The following RIDA variants were observed in gnomAD, a reference collection of about 807,000 sequenced individuals.
RIDA encodes 2-iminobutanoate/2-iminopropanoate deaminase.
RIDA carries 17 observed loss-of-function variants against 17.8 expected under a neutral mutation model. The ratio of observed to expected loss-of-function variants is 0.96; its 90% CI spans 0.65 to 1.43. The LOEUF (loss-of-function observed/expected upper bound fraction) is 1.43. Ranked by LOEUF, RIDA falls within the 40% of genes most tolerant of loss-of-function variation. The pLI is 0.00. For missense variants in RIDA, 158 were observed against 161.7 expected (o/e 0.98, Z 0.12); for synonymous variants, 48 against 55.7 (o/e 0.86, Z 0.62).
At chr8:98,109,377 T>C (rs1349607492) in intron 1 of RIDA, among the ~76,000 whole-genome samples, 1 of 152,078 alleles carries the variant, frequency 6.6e-6, no homozygotes, top group Non-Finnish European at 1.5e-5. Context: ...AAAGAAAATA[T>C]ACAAAGAGTT....
chr8:98,107,623 T>C (rs1419044277), intron 2 of RIDA, among the ~76,000 whole-genome samples: 2 of 152,142 alleles, frequency 1.3e-5, no homozygotes, highest in Admixed American at 6.6e-5. Flanking sequence ...TTTGAGACAG[T>C]GTCTTGCTCT....
At chr8:98,114,037 T>A (rs1815765713) in intron 1 of RIDA, among the ~76,000 whole-genome samples, 1 of 152,138 alleles carries the variant, frequency 6.6e-6, no homozygotes, top group Admixed American at 6.5e-5. Flanking sequence ...CTATAAAAAA[T>A]ACAAAAATTA....
intron 5 of RIDA, 71 bp from the exon 6 acceptor site, chr8:98,102,975 A>C: frequency 9.8e-7 from 1 of 1,021,770 alleles, no homozygotes; most frequent in Non-Finnish European, 1.5e-6. Context: ...ACCTACTAAA[A>C]ACATGCAACC....
intron 1 of RIDA, among the ~76,000 whole-genome samples, chr8:98,114,128 A>G (rs1815766790): frequency 1.3e-5 from 2 of 151,924 alleles, no homozygotes; most frequent in Non-Finnish European, 2.9e-5. Context: ...CGGGAGGTTG[A>G]GGCGACAATA....
chr8:98,107,347 AC>A (rs1285894301), intron 2 of RIDA, among the ~76,000 whole-genome samples: 5 of 151,932 alleles, frequency 3.3e-5, no homozygotes, highest in Admixed American at 2.6e-4. Flanking sequence ...GCACGGTAAA[AC>A]CCCGTCTCTA....
intron 2 of RIDA, among the ~76,000 whole-genome samples, chr8:98,108,076 A>C (rs4461876): frequency 0.89 from 132,767 of 149,016 alleles, 59,444 homozygotes; most frequent in African/African-American, 0.94. Context: ...GGCCTCCCCC[A>C]ACTAATTTTT....
At chr8:98,115,229 AATACAAAAATT>A (rs1422451366) in intron 1 of RIDA, among the ~76,000 whole-genome samples, 1 of 151,890 alleles carries the variant, frequency 6.6e-6, no homozygotes, top group African/African-American at 2.4e-5. Flanking sequence ...CTCTACTAAA[AATACAAAAATT>A]AGCCGGGTGT....
intron 1 of RIDA, among the ~76,000 whole-genome samples, chr8:98,115,799 C>T (rs566896384): frequency 6.6e-5 from 10 of 152,064 alleles, no homozygotes; most frequent in Non-Finnish European, 1.2e-4. Flanking sequence ...TTATTTTTTA[C>T]TATTACTTTC....
intron 2 of RIDA, 115 bp from the exon 3 acceptor site, chr8:98,106,441 A>C: frequency 1.2e-6 from 1 of 829,842 alleles, no homozygotes. Context: ...TTGCAGAAAA[A>C]TCCTCCCTAC....
Position 98,117,133 on chromosome 8 carries a change from G to A in RIDA, c.-37C>T, listed in dbSNP as rs749968970. 3.1e-6 allele frequency: 5 copies of A among 1,598,590 alleles called. No individual in the cohort carries two copies. Among genetic ancestry groups the A allele is most frequent in the Admixed American group, 3.3e-5 (2 of 59,996 alleles). On this transcript the variant is annotated 5_prime_UTR_variant, in exon 1 of 6. Coordinates refer to ENST00000254878, the MANE Select transcript of RIDA (RefSeq NM_005836.3). ...CCCTCTTGCAGCCCCTTCAGGAGAA[G>A]AAGCCCCAGCACCAGCCCTGCTGGC...
intron 1 of RIDA, among the ~76,000 whole-genome samples, chr8:98,110,692 A>G (rs1815714752): frequency 1.3e-5 from 2 of 152,168 alleles, no homozygotes; most frequent in Admixed American, 6.5e-5. Context: ...TTATTGGAGG[A>G]TCAATTAAGG....
chr8:98,109,024 C>G (rs1443819896), intron 1 of RIDA, among the ~76,000 whole-genome samples: 1 of 151,932 alleles, frequency 6.6e-6, no homozygotes, highest in African/African-American at 2.4e-5. Context: ...ACCACTCAGT[C>G]TCTACAAAAA....
At chr8:98,110,780 T>A (rs1471509950) in intron 1 of RIDA, among the ~76,000 whole-genome samples, 2 of 152,158 alleles carry the variant, frequency 1.3e-5, no homozygotes, top group Admixed American at 1.3e-4. Context: ...GTAATGCCCA[T>A]AATCCCCACA....
chr8:98,104,273 A>G (rs1054409918), intron 5 of RIDA, among the ~76,000 whole-genome samples: 28 of 151,756 alleles, frequency 1.8e-4, no homozygotes, highest in Non-Finnish European at 4.1e-4. Context: ...TTTTGTAGGG[A>G]TGGCTGTCTT....
At chr8:98,105,071 T>C (rs1815613594) in intron 4 of RIDA, among the ~76,000 whole-genome samples, 1 of 138,012 alleles carries the variant, frequency 7.2e-6, no homozygotes, top group Admixed American at 7.9e-5. Flanking sequence ...TATTTTGCCA[T>C]ATGATTCCTA....
chr8:98,105,179 T>A (rs778399672), intron 4 of RIDA, among the ~76,000 whole-genome samples: 17 of 150,972 alleles, frequency 1.1e-4, no homozygotes, highest in Non-Finnish European at 2.4e-4. Context: ...TCTTGTTTGA[T>A]GTGAATGGAG....
intron 1 of RIDA, among the ~76,000 whole-genome samples, chr8:98,115,252 G>T (rs533601050): frequency 1.3e-5 from 2 of 151,962 alleles, no homozygotes; most frequent in East Asian, 3.9e-4. Context: ...GCCGGGTGTG[G>T]TGGCACCTGC....
intron 1 of RIDA, among the ~76,000 whole-genome samples, chr8:98,112,860 G>T (rs866372746): frequency 3.9e-5 from 6 of 152,092 alleles, no homozygotes; most frequent in Admixed American, 6.5e-5. Flanking sequence ...ATAGTAAAAA[G>T]AAACTCTTTT....
At chr8:98,103,641 A>G (rs992793242) in intron 5 of RIDA, among the ~76,000 whole-genome samples, 1 of 146,326 alleles carries the variant, frequency 6.8e-6, no homozygotes, top group Non-Finnish European at 1.5e-5. Context: ...TTTTCTCACA[A>G]TTTTTTTTTT....
Sources: allele counts gnomAD v4.1 joint callset (sites outside exome capture counted in the v4.1 genomes callset), GRCh38; gene constraint gnomAD v4.1.1; transcripts MANE v1.5; gene names NCBI Gene and HGNC (gene_info 2026-07-23, HGNC 2026-07-21).